NAV3: variants seen among roughly 807,000 people sequenced by gnomAD.
The protein encoded by NAV3 is pore membrane and/or filament interacting like protein 1.
In NAV3, 87 loss-of-function variants were observed where a neutral mutation model predicts 244.7. The observed-to-expected ratio is 0.36, with a 90% CI of 0.30 to 0.42. The LOEUF (loss-of-function observed/expected upper bound fraction) is 0.42. NAV3 is among the 20% of genes least tolerant of loss of function. The pLI is 1.00. For missense variants in NAV3, 2,663 were observed against 2,893.3 expected (o/e 0.92, Z 1.83); for synonymous variants, 1,126 against 1,042.2 (o/e 1.08, Z -1.55).
In NAV3 at chr12:77,608,451, A is replaced by T. The variant is rs896920261; in HGVS notation, c.72+36185A>T. Among the ~76,000 whole-genome samples, 10 of 152,216 alleles carry T rather than the reference A, an allele frequency of 6.6e-5. No homozygotes were observed. In the South Asian group the frequency reaches 1.9e-3, roughly 28 times the overall value. ...GAGACAGTATTATCCTCTGCATGTAATTTAAGCAGACTGTTATATCCTATG... is the reference window on the plus strand; with the variant it reads ...GAGACAGTATTATCCTCTGCATGTATTTTAAGCAGACTGTTATATCCTATG... On this transcript the variant is annotated intron_variant, in intron 2 of 8. Coordinates refer to the NAV3 transcript ENST00000550042.
intron 3 of NAV3, among the ~76,000 whole-genome samples, chr12:77,959,561 T>C (rs747574121): frequency 6.6e-6 from 1 of 152,100 alleles, no homozygotes; most frequent in Non-Finnish European, 1.5e-5. Context: ...GTGTTTTACA[T>C]GTAAAATTTA....
chr12:77,987,673 A>G (rs1387542539), intron 5 of NAV3, among the ~76,000 whole-genome samples: 1 of 152,190 alleles, frequency 6.6e-6, no homozygotes, highest in African/African-American at 2.4e-5. Context: ...TTAACATAAC[A>G]TAATTCCTGC....
chr12:77,821,289 G>A (rs140785770), intron 2 of NAV3, among the ~76,000 whole-genome samples: 49 of 152,212 alleles, frequency 3.2e-4, no homozygotes, highest in African/African-American at 1.1e-3. Context: ...ACTGATTACA[G>A]GCAGCAATTA....
chr12:77,665,937 C>T (rs1027290858), intron 2 of NAV3, among the ~76,000 whole-genome samples: 1 of 152,092 alleles, frequency 6.6e-6, no homozygotes, highest in South Asian at 2.1e-4. Context: ...AAAATCTTTA[C>T]ACATTTCGCT....
chr12:77,839,416 C>G (rs987892246), intron 1 of NAV3, among the ~76,000 whole-genome samples: 1 of 152,164 alleles, frequency 6.6e-6, no homozygotes, highest in African/African-American at 2.4e-5. Context: ...ATTTGCTTCA[C>G]TTTTTTTGAT....
At chr12:78,158,357 C>G (rs1336066257) in intron 22 of NAV3, among the ~76,000 whole-genome samples, 1 of 152,078 alleles carries the variant, frequency 6.6e-6, no homozygotes, top group Non-Finnish European at 1.5e-5. Context: ...ATTGAAGTGC[C>G]TCTTCATTTT....
intron 1 of NAV3, among the ~76,000 whole-genome samples, chr12:77,838,027 C>T (rs1405377149): frequency 6.6e-6 from 1 of 152,196 alleles, no homozygotes; most frequent in Non-Finnish European, 1.5e-5. Context: ...GTAGCATTTC[C>T]AGAGCTGGCC....
intron 12 of NAV3, among the ~76,000 whole-genome samples, chr12:78,098,846 C>G (rs1040120713): frequency 6.6e-6 from 1 of 151,232 alleles, no homozygotes; most frequent in Non-Finnish European, 1.5e-5. Context: ...AACTCAGTCT[C>G]ACAATTTGAC....
chr12:78,160,863 T>G (rs1410331454), intron 23 of NAV3, among the ~76,000 whole-genome samples: 1 of 149,426 alleles, frequency 6.7e-6, no homozygotes, highest in Non-Finnish European at 1.5e-5. Context: ...CCCTCCCTCC[T>G]TCCCTCCCTT....
chr12:77,903,835 G>T (rs1885615757), intron 1 of NAV3, among the ~76,000 whole-genome samples: 1 of 152,084 alleles, frequency 6.6e-6, no homozygotes, highest in African/African-American at 2.4e-5. Flanking sequence ...GTGGGTGAAG[G>T]ATATGAACAG....
chr12:78,174,109 C>T lies in NAV3; in HGVS notation c.4982-1197C>T, dbSNP rs1472462866. Among the ~76,000 whole-genome samples, 4 of 151,690 alleles carry T rather than the reference C, an allele frequency of 2.6e-5. No individual in the cohort carries two copies. The East Asian group carries it at 7.8e-4, about 29-fold the overall frequency. Reference sequence around the variant, plus strand: ...AGATTTTTTTGCTTGACTAATCTGCCTTGATGCCAATAAGTATATTAACGG... The same window carrying T: ...AGATTTTTTTGCTTGACTAATCTGCTTTGATGCCAATAAGTATATTAACGG... On this transcript the variant is annotated intron_variant, in intron 24 of 39. Transcript: ENST00000397909.
chr12:77,634,284 A>G (rs903894487), intron 2 of NAV3, among the ~76,000 whole-genome samples: 5 of 152,150 alleles, frequency 3.3e-5, no homozygotes, highest in Non-Finnish European at 5.9e-5. Flanking sequence ...GTCCTTATCT[A>G]TGGATCATCC....
intron 1 of NAV3, among the ~76,000 whole-genome samples, chr12:77,934,395 T>C (rs185926924): frequency 6.6e-6 from 1 of 152,058 alleles, no homozygotes; most frequent in African/African-American, 2.4e-5. Flanking sequence ...CATATGGCTC[T>C]TGGGAAATTA....
chr12:77,575,068 T>C (rs991953756), intron 2 of NAV3, among the ~76,000 whole-genome samples: 1 of 148,698 alleles, frequency 6.7e-6, no homozygotes, highest in African/African-American at 2.5e-5. Flanking sequence ...TATATAAATA[T>C]GTATTTAAAA....
At chr12:77,802,904 C>T (rs757920643) in intron 2 of NAV3, among the ~76,000 whole-genome samples, 8 of 152,068 alleles carry the variant, frequency 5.3e-5, no homozygotes, top group Admixed American at 1.3e-4. Flanking sequence ...CCTGACCTCA[C>T]GATCCACCTG....
intron 23 of NAV3, among the ~76,000 whole-genome samples, chr12:78,160,406 T>TGTGTGTGTGCATGC (rs1555184847): frequency 1.4e-5 from 2 of 138,818 alleles, no homozygotes; most frequent in Non-Finnish European, 3.1e-5. Flanking sequence ...TGTGCGTGCG[T>TGTGTGTGTGCATGC]GTGTGTGTGT....
intron 3 of NAV3, among the ~76,000 whole-genome samples, chr12:77,963,685 G>C (rs957101439): frequency 2.6e-5 from 4 of 151,820 alleles, no homozygotes; most frequent in African/African-American, 7.3e-5. Flanking sequence ...GCAATAATGG[G>C]GAACATAACT....
At chr12:77,779,807 C>A (rs887510303) in intron 2 of NAV3, among the ~76,000 whole-genome samples, 1 of 152,106 alleles carries the variant, frequency 6.6e-6, no homozygotes, top group African/African-American at 2.4e-5. Flanking sequence ...GCAGGAGAGG[C>A]CTGGGTTGTC....
At chr12:77,710,193 A>G (rs868593917) in intron 2 of NAV3, among the ~76,000 whole-genome samples, 1 of 152,210 alleles carries the variant, frequency 6.6e-6, no homozygotes, top group South Asian at 2.1e-4. Flanking sequence ...ACTTCAAATC[A>G]TTAAAAGGTT....
Sources: gnomAD v4.1 joint callset for allele counts (sites outside exome capture counted in the v4.1 genomes callset) on GRCh38, gnomAD v4.1.1 for gene constraint, MANE v1.5 for transcripts, NCBI Gene and HGNC (gene_info 2026-07-23, HGNC 2026-07-21) for gene names.